The following BICRA variants were observed in gnomAD, a reference collection of about 807,000 sequenced individuals.
The protein encoded by BICRA is BRD4 interacting chromatin remodeling complex associated protein.
Under a neutral mutation model 96.9 loss-of-function variants are expected in BICRA, and 31 were observed. The ratio of observed to expected loss-of-function variants is 0.32; its 90% CI spans 0.24 to 0.43. BICRA has a LOEUF of 0.43. Among genes scored for constraint, BICRA ranks in the 20% least tolerant of loss-of-function variants. The probability of loss-of-function intolerance (pLI) is 1.00; values close to 1 mark genes in which losing one functional copy is unlikely to be tolerated. For missense variants in BICRA, 2,283 were observed against 2,190.3 expected (o/e 1.04, Z -0.84); for synonymous variants, 1,350 against 1,071.8 (o/e 1.26, Z -5.07).
At chr19:47,615,419 T>C (rs1339659411) in intron 1 of BICRA, among the ~76,000 whole-genome samples, 1 of 152,220 alleles carries the variant, frequency 6.6e-6, no homozygotes, top group African/African-American at 2.4e-5. Flanking sequence ...CCTCCTTGCC[T>C]CTTCCTCCTG....
At chr19:47,647,150 A>G (rs1031264263) in intron 1 of BICRA, among the ~76,000 whole-genome samples, 1 of 151,692 alleles carries the variant, frequency 6.6e-6, no homozygotes, top group African/African-American at 2.4e-5. Flanking sequence ...GTAATACTCC[A>G]TTGTATGGAT....
At position 47,680,453 on chromosome 19, in the gene BICRA, C is replaced by G; in HGVS notation, c.1283C>G (p.Pro428Arg). 6.5e-7 allele frequency: 1 copy of G among 1,539,572 alleles called. No homozygotes were observed. Among genetic ancestry groups the G allele is most frequent in the Non-Finnish European group, 8.7e-7 (1 of 1,146,044 alleles). The stretch of plus-strand genomic sequence containing the variant: ...CAAGCGAACGTCTTCAAGCAGCCAC[C>G]GGCCACCACCACCGGAGCGGCCCCG... Reference protein sequence around the residue: ...ALQANVFKQPPATTTGAAPPQ... With the variant: ...ALQANVFKQPRATTTGAAPPQ... The change falls in exon 6 of 15, where the codon CCG becomes CGG. Residue 428 changes from proline to arginine, a missense_variant. Coordinates refer to ENST00000594866, the MANE Select transcript of BICRA (RefSeq NM_001394372.1).
chr19:47,664,263 CT>C (rs1972743818), intron 1 of BICRA, among the ~76,000 whole-genome samples: 2 of 152,222 alleles, frequency 1.3e-5, no homozygotes, highest in Non-Finnish European at 2.9e-5. Flanking sequence ...CCGTATCCTG[CT>C]AGCAGCCTGG....
chr19:47,627,560 G>A (rs962550033), intron 1 of BICRA, among the ~76,000 whole-genome samples: 30 of 152,166 alleles, frequency 2.0e-4, no homozygotes, highest in Admixed American at 1.3e-3. Context: ...GCACTTCTGC[G>A]AAGATTTCTG....
At chr19:47,686,760 G>T (rs535233182) in intron 7 of BICRA, among the ~76,000 whole-genome samples, 1 of 152,234 alleles carries the variant, frequency 6.6e-6, no homozygotes, top group Admixed American at 6.5e-5. Flanking sequence ...TATGTGTAGG[G>T]GTGTGTTTTT....
At chr19:47,622,913 C>G (rs1291588082) in intron 1 of BICRA, among the ~76,000 whole-genome samples, 2 of 149,514 alleles carry the variant, frequency 1.3e-5, no homozygotes, top group Non-Finnish European at 3.0e-5. Flanking sequence ...TGGCAGGCAC[C>G]TGTAATCCTA....
At chr19:47,630,510 C>T (rs1972207073) in intron 1 of BICRA, among the ~76,000 whole-genome samples, 1 of 152,122 alleles carries the variant, frequency 6.6e-6, no homozygotes, top group Non-Finnish European at 1.5e-5. Flanking sequence ...TAAATGGAAT[C>T]ATCCAGTATT....
Position 47,632,840 on chromosome 19 carries a change from C to T in BICRA, c.-108+23672C>T, listed in dbSNP as rs193263809. Among the ~76,000 whole-genome samples, 89 of 152,194 alleles carry T rather than the reference C, an allele frequency of 5.8e-4. 3 individuals carry two copies. The East Asian group carries it at 0.015, about 25-fold the overall frequency. On this transcript the variant is annotated intron_variant, in intron 1 of 14. Transcript: ENST00000594866. ...TTTGGACAGTGTTTAAGGCCTGTGT[C>T]AGAAGAACTTGGGCTCGGATCCCCA...
intron 7 of BICRA, among the ~76,000 whole-genome samples, chr19:47,692,824 C>T (rs1413184066): frequency 1.3e-5 from 2 of 152,182 alleles, no homozygotes; most frequent in Non-Finnish European, 2.9e-5. Context: ...GATGTCATGC[C>T]GAGATGCCCG....
chr19:47,650,477 G>A (rs994232714), intron 1 of BICRA, among the ~76,000 whole-genome samples: 1 of 152,104 alleles, frequency 6.6e-6, no homozygotes, highest in Non-Finnish European at 1.5e-5. Flanking sequence ...GGCTGGTCTC[G>A]AACTCCTGAC....
At chr19:47,682,582 A>G (rs1973082402) in intron 7 of BICRA, among the ~76,000 whole-genome samples, 1 of 152,108 alleles carries the variant, frequency 6.6e-6, no homozygotes, top group South Asian at 2.1e-4. Flanking sequence ...CTTTTCCTTC[A>G]ATTTTTACAA....
chr19:47,698,677 C>G lies in BICRA; in HGVS notation c.3292C>G (p.Pro1098Ala). The stretch of plus-strand genomic sequence containing the variant: ...CAAACACCAGGGCTCCGTCCTGCAC[C>G]CCGACTACAAGACGGCCTTCCCCTC... Reference protein sequence around the residue: ...LHKHQGSVLHPDYKTAFPSFE... With the variant: ...LHKHQGSVLHADYKTAFPSFE... The change falls in exon 12 of 15, where the codon CCC becomes GCC. Residue 1098 changes from proline to alanine, a missense_variant. Coordinates refer to ENST00000594866, the MANE Select transcript of BICRA (RefSeq NM_001394372.1). The surrounding 1 kb of genome is among the most constrained non-coding windows in gnomAD (Gnocchi z 4.8). 1 of 1,583,072 alleles carries G rather than the reference C, an allele frequency of 6.3e-7. No individual in the cohort carries two copies. The highest frequency in any genetic ancestry group is 8.7e-7 in the Non-Finnish European group (1 of 1,151,658).
At chr19:47,671,065 GA>G (rs1466511385) in intron 2 of BICRA, among the ~76,000 whole-genome samples, 4 of 152,206 alleles carry the variant, frequency 2.6e-5, no homozygotes, top group Non-Finnish European at 1.5e-5. Flanking sequence ...GGTGATCCGT[GA>G]ACCCTGGAAA....
intron 1 of BICRA, among the ~76,000 whole-genome samples, chr19:47,668,485 GTCTT>G (rs1310713756): frequency 7.6e-6 from 1 of 131,558 alleles, no homozygotes; most frequent in Non-Finnish European, 1.5e-5. Flanking sequence ...ATCTTTGTGA[GTCTT>G]TTTTTTTTTT....
chr19:47,698,208 GC>G lies in BICRA; in HGVS notation c.3249-423del, dbSNP rs1230249377. ...CATTGTAACATGGGCTACAAAAGCG[GC>G]CCGTGAGAAGACAGGATCCAGCCTC... On this transcript the variant is annotated intron_variant, in intron 11 of 14. Coordinates refer to ENST00000594866, the MANE Select transcript of BICRA (RefSeq NM_001394372.1). This position sits in a 1 kb window ranked among gnomAD's most constrained non-coding sequence, Gnocchi z 4.8. 2.0e-5 allele frequency among the ~76,000 whole-genome samples: 3 copies of G among 152,164 alleles called. No homozygotes were observed. Among genetic ancestry groups the G allele is most frequent in the South Asian group, 2.1e-4 (1 of 4,832 alleles).
intron 1 of BICRA, among the ~76,000 whole-genome samples, chr19:47,619,535 A>G (rs1204362745): frequency 6.6e-6 from 1 of 151,580 alleles, no homozygotes; most frequent in Admixed American, 6.6e-5. Context: ...CTGGGATTAC[A>G]GGTGTGAGCC....
intron 7 of BICRA, among the ~76,000 whole-genome samples, chr19:47,693,756 G>GCCACCA (rs1380233863): frequency 1.3e-5 from 2 of 152,134 alleles, no homozygotes; most frequent in African/African-American, 4.8e-5. Context: ...TGCTGCCACC[G>GCCACCA]CCACCACTGC....
rs184310761 is a variant in BICRA at position 47,623,992 on chromosome 19, C to T, written c.-108+14824C>T. ...TCAGCTCCCCGAGTAGCTGGGATTACAGGCACGCACCACCGCGCCCGGCTA... is the reference window on the plus strand; with the variant it reads ...TCAGCTCCCCGAGTAGCTGGGATTATAGGCACGCACCACCGCGCCCGGCTA... On this transcript the variant is annotated intron_variant, in intron 1 of 14. Coordinates refer to ENST00000594866, the MANE Select transcript of BICRA (RefSeq NM_001394372.1). 9.5e-3 allele frequency among the ~76,000 whole-genome samples: 1,451 copies of T among 152,078 alleles called. 23 individuals carry two copies. Among genetic ancestry groups the T allele is most frequent in the African/African-American group, 0.034 (1,392 of 41,468 alleles).
chr19:47,668,510 G>A (rs1003361696), intron 1 of BICRA, among the ~76,000 whole-genome samples: 3 of 142,512 alleles, frequency 2.1e-5, no homozygotes, highest in East Asian at 2.3e-4. Context: ...TTTTTGAGAC[G>A]GAGTCTAGCT....
Sources: gnomAD v4.1 joint callset for allele counts (sites outside exome capture counted in the v4.1 genomes callset) on GRCh38, gnomAD v4.1.1 for gene constraint, Gnocchi (gnomAD v3.1) non-coding constraint, MANE v1.5 for transcripts, NCBI Gene and HGNC (gene_info 2026-07-23, HGNC 2026-07-21) for gene names.